SAMD13: variants seen among roughly 807,000 people sequenced by gnomAD.
SAMD13 encodes sterile alpha motif domain containing 13, also known as sterile alpha motif domain-containing protein 13.
In SAMD13, 9 loss-of-function variants were observed where a neutral mutation model predicts 12.4. The observed-to-expected ratio is 0.72, with a 90% CI of 0.44 to 1.26. The LOEUF is 1.26. Among genes scored for constraint, SAMD13 ranks in the 50% most tolerant of loss-of-function variants. The pLI, the probability that SAMD13 is intolerant of heterozygous loss-of-function variation, is 0.00. For synonymous variants in SAMD13, 46 were observed against 45.4 expected (o/e 1.01, Z -0.05); for missense variants, 84 against 119.6 (o/e 0.70, Z 1.39).
At chr1:84,305,781 T>G (rs957176152) in intron 2 of SAMD13, among the ~76,000 whole-genome samples, 2 of 152,200 alleles carry the variant, frequency 1.3e-5, no homozygotes, top group Non-Finnish European at 2.9e-5. Context: ...CTTCTGCAAC[T>G]TTGCTGAAAA....
chr1:84,313,655 GC>G (rs1376306034), intron 2 of SAMD13, among the ~76,000 whole-genome samples: 5 of 152,014 alleles, frequency 3.3e-5, no homozygotes, highest in Non-Finnish European at 7.4e-5. Flanking sequence ...ATGCCCCCGA[GC>G]CCCTCAGTGG....
At chr1:84,345,236 AG>A in intron 3 of SAMD13, 1 of 456,164 alleles carries the variant, frequency 2.2e-6, no homozygotes, top group South Asian at 1.6e-5. Context: ...AGAATGAAGC[AG>A]AAAAAGACTG....
chr1:84,347,186 T>A (rs1279282790), intron 3 of SAMD13, among the ~76,000 whole-genome samples: 1 of 152,214 alleles, frequency 6.6e-6, no homozygotes, highest in East Asian at 1.9e-4. Context: ...TCATTTCCAT[T>A]ATTCTCTATT....
At chr1:84,315,971 T>A (rs571691713) in intron 2 of SAMD13, among the ~76,000 whole-genome samples, 1 of 152,314 alleles carries the variant, frequency 6.6e-6, no homozygotes, top group African/African-American at 2.4e-5. Flanking sequence ...ATTGGTGATT[T>A]TGAACCTCTT....
At position 84,339,309 on chromosome 1, in the gene SAMD13, C is replaced by T. The variant is rs535365484; in HGVS notation, c.166-10322C>T. ...GTTTTTTATTTTTTTATTTTTTCATCTCTGTGGGCTCATTCTTCTTCAGTC... is the reference window on the plus strand; with the variant it reads ...GTTTTTTATTTTTTTATTTTTTCATTTCTGTGGGCTCATTCTTCTTCAGTC... On this transcript the variant is annotated intron_variant, in intron 3 of 3. Transcript: ENST00000394834. 2.6e-5 allele frequency among the ~76,000 whole-genome samples: 4 copies of T among 151,534 alleles called. No homozygotes were observed. In the East Asian group the frequency reaches 7.8e-4, roughly 29 times the overall value.
At chr1:84,305,061 A>G (rs1353377206) in intron 2 of SAMD13, among the ~76,000 whole-genome samples, 4 of 152,254 alleles carry the variant, frequency 2.6e-5, no homozygotes, top group South Asian at 4.1e-4. Context: ...GTTGGGCTCT[A>G]TGGTGGGTGT....
At chr1:84,340,619 T>A (rs1266625910) in intron 3 of SAMD13, among the ~76,000 whole-genome samples, 4 of 152,222 alleles carry the variant, frequency 2.6e-5, no homozygotes, top group African/African-American at 9.6e-5. Flanking sequence ...AGCCATAATA[T>A]ATGTCATGAT....
intron 2 of SAMD13, among the ~76,000 whole-genome samples, chr1:84,307,985 G>A (rs1287772404): frequency 6.6e-6 from 1 of 151,924 alleles, no homozygotes; most frequent in Non-Finnish European, 1.5e-5. Context: ...ACACTTGAAG[G>A]GAACCCTCTG....
At chr1:84,318,859 T>C (rs1678886691) in intron 2 of SAMD13, among the ~76,000 whole-genome samples, 1 of 152,176 alleles carries the variant, frequency 6.6e-6, no homozygotes, top group Non-Finnish European at 1.5e-5. Context: ...ATTGAGTCTG[T>C]TTATTATTTT....
intron 3 of SAMD13, among the ~76,000 whole-genome samples, chr1:84,334,930 C>CT (rs1026877731): frequency 2.6e-5 from 4 of 151,790 alleles, no homozygotes; most frequent in South Asian, 2.1e-4. Context: ...TATAATTTCC[C>CT]TTTTTTTTAA....
At position 84,302,541 on chromosome 1, in the gene SAMD13, T is replaced by C. The variant is rs374667017; in HGVS notation, c.-32-662T>C. ...TGAGTTACCTACTCTTTCTTACACATACACACACACACACACACACACACA... is the reference window on the plus strand; with the variant it reads ...TGAGTTACCTACTCTTTCTTACACACACACACACACACACACACACACACA... On this transcript the variant is annotated intron_variant, in intron 1 of 3. Coordinates refer to ENST00000394834, the MANE Select transcript of SAMD13 (RefSeq NM_001134663.2). 1.7e-4 allele frequency: 34 copies of C among 204,992 alleles called. 1 individual carries two copies. Among genetic ancestry groups the C allele is most frequent in the African/African-American group, 5.3e-4 (21 of 39,894 alleles). The allele number at this position is 204,992 out of a possible 1,614,324, so 12.7% of individuals were successfully genotyped here.
At chr1:84,325,282 T>C (rs1679032994) in intron 2 of SAMD13, among the ~76,000 whole-genome samples, 1 of 152,070 alleles carries the variant, frequency 6.6e-6, no homozygotes, top group Non-Finnish European at 1.5e-5. Context: ...GGAAGGGCTT[T>C]ATCCCTAGAT....
chr1:84,342,724 T>G (rs1679455540), intron 3 of SAMD13, among the ~76,000 whole-genome samples: 1 of 152,176 alleles, frequency 6.6e-6, no homozygotes, highest in Non-Finnish European at 1.5e-5. Context: ...ATTAAAACCT[T>G]AAATGTAAAA....
chr1:84,319,829 G>A (rs914100894), intron 2 of SAMD13, among the ~76,000 whole-genome samples: 3 of 152,108 alleles, frequency 2.0e-5, no homozygotes, highest in African/African-American at 7.2e-5. Flanking sequence ...TTGCCTGAGG[G>A]AAGATACCTA....
chr1:84,331,016 A>G (rs1679168028), intron 3 of SAMD13, among the ~76,000 whole-genome samples: 1 of 152,162 alleles, frequency 6.6e-6, no homozygotes, highest in Non-Finnish European at 1.5e-5. Flanking sequence ...TAAGTCATTC[A>G]TTTGAAATGC....
At chr1:84,312,614 C>T (rs77349710) in intron 2 of SAMD13, among the ~76,000 whole-genome samples, 5,129 of 151,910 alleles carry the variant, frequency 0.034, 104 homozygotes, top group South Asian at 0.071. Flanking sequence ...ACAAATCAAA[C>T]GGGGGATGTA....
At chr1:84,342,909 G>A (rs1187643305) in intron 3 of SAMD13, among the ~76,000 whole-genome samples, 6 of 152,118 alleles carry the variant, frequency 3.9e-5, no homozygotes. Context: ...TATCATCAGA[G>A]TGAACAGGTA....
rs1679606854 is a variant in SAMD13 at position 84,349,636 on chromosome 1, T to C, written c.171T>C (p.Ile57=). 2 of 1,613,116 alleles carry C rather than the reference T, an allele frequency of 1.2e-6. No individual in the cohort carries two copies. The highest frequency in any genetic ancestry group is 1.7e-6 in the Non-Finnish European group (2 of 1,179,410). ...ACCTTCTGCTTCCATTATAGGAAATTGATGGAAAATCCCTGCTATTGATGA... is the reference window on the plus strand; with the variant it reads ...ACCTTCTGCTTCCATTATAGGAAATCGATGGAAAATCCCTGCTATTGATGA... ...EQASAFQEQE[I]DGKSLLLMTR... is the part of the protein sequence containing the mutation. The change falls in exon 4 of 4, where the codon ATT becomes ATC. Residue 57 remains isoleucine, a synonymous_variant. Coordinates refer to ENST00000394834, the MANE Select transcript of SAMD13 (RefSeq NM_001134663.2).
intron 2 of SAMD13, among the ~76,000 whole-genome samples, chr1:84,318,549 T>C (rs1000491506): frequency 2.0e-5 from 3 of 152,188 alleles, no homozygotes; most frequent in African/African-American, 4.8e-5. Flanking sequence ...ATGTTCCATG[T>C]ATGCTTGAAA....
Sources: gnomAD v4.1 joint callset for allele counts (sites outside exome capture counted in the v4.1 genomes callset) on GRCh38, gnomAD v4.1.1 for gene constraint, MANE v1.5 for transcripts, NCBI Gene and HGNC (gene_info 2026-07-23, HGNC 2026-07-21) for gene names.